PDE4D: variants seen among roughly 807,000 people sequenced by gnomAD.
PDE4D encodes the protein 3',5'-cyclic-AMP phosphodiesterase 4D.
A neutral mutation model predicts 87.4 loss-of-function variants in PDE4D; 24 were observed. The observed-to-expected ratio is 0.27, with a 90% CI of 0.20 to 0.39. The LOEUF is 0.39. PDE4D is among the 10% of genes least tolerant of loss of function. The pLI, the probability that PDE4D is intolerant of heterozygous loss-of-function variation, is 1.00. For synonymous variants in PDE4D, 384 were observed against 383.2 expected (o/e 1.00, Z -0.02); for missense variants, 714 against 1,041.0 (o/e 0.69, Z 4.32).
intron 1 of PDE4D, among the ~76,000 whole-genome samples, chr5:59,404,963 C>T (rs1430919685): frequency 6.6e-6 from 1 of 152,164 alleles, no homozygotes; most frequent in Non-Finnish European, 1.5e-5. Context: ...ATGCCAGAAC[C>T]ATCCTGTTTT....
At chr5:59,163,456 AG>A (rs1474540599) in intron 5 of PDE4D, among the ~76,000 whole-genome samples, 2 of 151,930 alleles carry the variant, frequency 1.3e-5, no homozygotes, top group Non-Finnish European at 2.9e-5. Flanking sequence ...TTTTTAATAG[AG>A]ACGGGGTTTC....
At chr5:59,760,527 C>G (rs1761839277) in intron 1 of PDE4D, among the ~76,000 whole-genome samples, 1 of 152,152 alleles carries the variant, frequency 6.6e-6, no homozygotes, top group Non-Finnish European at 1.5e-5. Flanking sequence ...CACGCTGGAA[C>G]ATTTTCCTCC....
At chr5:59,559,912 GA>G (rs1278622990) in intron 1 of PDE4D, among the ~76,000 whole-genome samples, 1 of 152,140 alleles carries the variant, frequency 6.6e-6, no homozygotes, top group African/African-American at 2.4e-5. Context: ...TATAAATGAA[GA>G]AACATGCCAC....
At chr5:59,539,299 T>C (rs1815854464) in intron 1 of PDE4D, among the ~76,000 whole-genome samples, 1 of 152,178 alleles carries the variant, frequency 6.6e-6, no homozygotes, top group Non-Finnish European at 1.5e-5. Context: ...TTAGCTATCA[T>C]GTCAAAGAAC....
intron 1 of PDE4D, chr5:60,521,765 T>G (rs932964967): frequency 6.6e-6 from 1 of 152,090 alleles, no homozygotes; most frequent in African/African-American, 2.4e-5. Context: ...ATAAAATGTT[T>G]AGACAGAAAA....
intron 1 of PDE4D, among the ~76,000 whole-genome samples, chr5:60,218,976 A>T (rs1240841687): frequency 1.3e-5 from 2 of 152,096 alleles, no homozygotes; most frequent in African/African-American, 4.8e-5. Context: ...AGCACCCTCA[A>T]ATAATTATAT....
At chr5:59,177,069 G>A (rs1285586539) in intron 5 of PDE4D, among the ~76,000 whole-genome samples, 1 of 152,094 alleles carries the variant, frequency 6.6e-6, no homozygotes, top group Non-Finnish European at 1.5e-5. Flanking sequence ...TACGGAATGA[G>A]TGCTTGTGTG....
At position 60,222,975 on chromosome 5, in the gene PDE4D, G is replaced by A. The variant is rs573611934; in HGVS notation, c.-89-37288C>T. On this transcript the variant is annotated intron_variant, in intron 1 of 16. Coordinates refer to the PDE4D transcript ENST00000502484. ...ATAAGCTATAACTCAATTACTGGGTGGTAGATATTTATAATGAGATGTTAA... is the reference window on the plus strand; with the variant it reads ...ATAAGCTATAACTCAATTACTGGGTAGTAGATATTTATAATGAGATGTTAA... 2.0e-5 allele frequency among the ~76,000 whole-genome samples: 3 copies of A among 152,178 alleles called. No individual in the cohort carries two copies. In the East Asian group the frequency reaches 5.8e-4, roughly 29 times the overall value.
chr5:60,231,313 A>C (rs1745780366), intron 1 of PDE4D, among the ~76,000 whole-genome samples: 2 of 151,966 alleles, frequency 1.3e-5, no homozygotes, highest in Admixed American at 1.3e-4. Flanking sequence ...TGAGACTTTT[A>C]TTTAAAACAA....
intron 5 of PDE4D, among the ~76,000 whole-genome samples, chr5:59,059,981 C>CTTGG (rs1762895255): frequency 2.0e-5 from 3 of 152,086 alleles, no homozygotes. Context: ...TCACAGCCTC[C>CTTGG]TTGGTTGCCA....
At chr5:59,419,641 TAG>T (rs1385691078) in intron 1 of PDE4D, among the ~76,000 whole-genome samples, 1 of 152,214 alleles carries the variant, frequency 6.6e-6, no homozygotes, top group Non-Finnish European at 1.5e-5. Flanking sequence ...CTCCTGTGCA[TAG>T]AGTTTCCTGT....
chr5:59,233,645 G>T (rs1490305133), intron 1 of PDE4D, among the ~76,000 whole-genome samples: 1 of 151,994 alleles, frequency 6.6e-6, no homozygotes, highest in Non-Finnish European at 1.5e-5. Flanking sequence ...TATTACCTGG[G>T]GCATCCTCTT....
chr5:60,026,515 G>A (rs1390811709), intron 2 of PDE4D, among the ~76,000 whole-genome samples: 1 of 152,180 alleles, frequency 6.6e-6, no homozygotes, highest in African/African-American at 2.4e-5. Flanking sequence ...AAGAAAAAGT[G>A]TAGTGATACT....
At chr5:59,684,633 G>T (rs757707744) in intron 1 of PDE4D, among the ~76,000 whole-genome samples, 5 of 152,138 alleles carry the variant, frequency 3.3e-5, no homozygotes, top group African/African-American at 1.2e-4. Context: ...GTGTGGGGCC[G>T]TGAGGATATG....
At chr5:59,502,671 T>C (rs1176096828) in intron 1 of PDE4D, among the ~76,000 whole-genome samples, 2 of 132,130 alleles carry the variant, frequency 1.5e-5, no homozygotes, top group Non-Finnish European at 3.3e-5. Context: ...GTAGTGTGTG[T>C]GTGTGTGTGT....
rs564586573 is a variant in PDE4D, at chr5:60,288,295, G to A, written c.-89-102608C>T. ...ACAGGAGGAGGTTAAATCATTATTT[G>A]CCCCATGGTGGTGGTCAGCTTCTAG... On this transcript the variant is annotated intron_variant, in intron 1 of 16. Coordinates refer to the PDE4D transcript ENST00000502484. Among the ~76,000 whole-genome samples, 8 of 152,238 alleles carry A rather than the reference G, an allele frequency of 5.3e-5. No homozygotes were observed. In the East Asian group the frequency reaches 1.5e-3, roughly 29 times the overall value.
At chr5:59,295,636 C>T (rs561299964) in intron 1 of PDE4D, among the ~76,000 whole-genome samples, 10 of 152,096 alleles carry the variant, frequency 6.6e-5, no homozygotes, top group Non-Finnish European at 1.5e-4. Context: ...AAAAAGGTAT[C>T]ACCTTCAGAT....
At chr5:59,170,295 G>A (rs541535242) in intron 5 of PDE4D, among the ~76,000 whole-genome samples, 6 of 152,234 alleles carry the variant, frequency 3.9e-5, no homozygotes, top group African/African-American at 1.4e-4. Flanking sequence ...GGAATTACAG[G>A]TGTGAGCCAC....
chr5:59,247,018 G>C (rs1288294019), intron 1 of PDE4D, among the ~76,000 whole-genome samples: 2 of 152,140 alleles, frequency 1.3e-5, no homozygotes, highest in African/African-American at 4.8e-5. Context: ...TACACATTCT[G>C]TCTGTAAACT....
Sources: gnomAD v4.1 joint callset for allele counts (sites outside exome capture counted in the v4.1 genomes callset) on GRCh38, gnomAD v4.1.1 for gene constraint, MANE v1.5 for transcripts, NCBI Gene and HGNC (gene_info 2026-07-23, HGNC 2026-07-21) for gene names.